Variants in SLC35F4 observed in about 807,000 individuals in gnomAD.
SLC35F4 encodes the protein solute carrier family 35 member F4.
In SLC35F4, 24 loss-of-function variants were observed where a neutral mutation model predicts 44.2. The ratio of observed to expected loss-of-function variants is 0.54; its 90% CI spans 0.39 to 0.76. SLC35F4 has a LOEUF of 0.76. Among genes scored for constraint, SLC35F4 ranks in the 30% least tolerant of loss-of-function variants. SLC35F4 has a pLI of 0.00. For synonymous variants in SLC35F4, 238 were observed against 223.6 expected (o/e 1.06, Z -0.57); for missense variants, 562 against 586.1 (o/e 0.96, Z 0.42).
chr14:57,709,290 C>T (rs914914243), intron 1 of SLC35F4, among the ~76,000 whole-genome samples: 1 of 152,142 alleles, frequency 6.6e-6, no homozygotes, highest in Admixed American at 6.5e-5. Context: ...GGCATTACCG[C>T]TAGACCAAGG....
chr14:57,793,525 A>G (rs2077979916), intron 1 of SLC35F4, among the ~76,000 whole-genome samples: 1 of 152,094 alleles, frequency 6.6e-6, no homozygotes. Flanking sequence ...GTTACTCAGG[A>G]TAATGGCCTC....
intron 1 of SLC35F4, among the ~76,000 whole-genome samples, chr14:57,646,275 C>G (rs1221919098): frequency 6.6e-6 from 1 of 152,112 alleles, no homozygotes; most frequent in Non-Finnish European, 1.5e-5. Flanking sequence ...GGTTGGTAAG[C>G]TATTAATTAT....
downstream of SLC35F4, among the ~76,000 whole-genome samples, chr14:57,974,750 A>G (rs943310171): frequency 3.3e-5 from 5 of 152,322 alleles, no homozygotes; most frequent in African/African-American, 1.2e-4. Context: ...AAATCTGTAA[A>G]AGGAGGATAG....
upstream of SLC35F4, chr14:57,982,291 A>G (rs1881404472): frequency 6.6e-6 from 1 of 152,206 alleles, no homozygotes; most frequent in South Asian, 2.1e-4. Flanking sequence ...ACCCCACCAC[A>G]GCCAACAGCA....
rs747415815 is a variant in SLC35F4, at chr14:57,829,930, T to C, written c.103+35793A>G. 2.4e-4 allele frequency among the ~76,000 whole-genome samples: 36 copies of C among 152,190 alleles called. No individual in the cohort carries two copies. In the Middle Eastern group the frequency reaches 0.02, roughly 86 times the overall value. Reference sequence around the variant, plus strand: ...GTTTTTTAACAGGAGAGTGACTTTATGGAAAAAACACAGCAGGAAGAATAA... The same window carrying C: ...GTTTTTTAACAGGAGAGTGACTTTACGGAAAAAACACAGCAGGAAGAATAA... On this transcript the variant is annotated intron_variant, in intron 1 of 7. Coordinates refer to ENST00000556826, the MANE Select transcript of SLC35F4 (RefSeq NM_001306087.2).
At chr14:57,962,629 A>G (rs1320005008) in intron 1 of SLC35F4, among the ~76,000 whole-genome samples, 1 of 152,252 alleles carries the variant, frequency 6.6e-6, no homozygotes, top group Non-Finnish European at 1.5e-5. Flanking sequence ...TGAAAGGTCC[A>G]TTAAATAAGG....
At chr14:57,612,606 A>G (rs930777197) in intron 1 of SLC35F4, among the ~76,000 whole-genome samples, 1 of 152,078 alleles carries the variant, frequency 6.6e-6, no homozygotes, top group African/African-American at 2.4e-5. Context: ...TGTCTTAGCT[A>G]TTTCTGTATC....
At chr14:57,735,952 G>A (rs1436205757) in intron 1 of SLC35F4, among the ~76,000 whole-genome samples, 1 of 151,928 alleles carries the variant, frequency 6.6e-6, no homozygotes, top group East Asian at 1.9e-4. Context: ...TGGCCTCAAG[G>A]GATACTACTA....
chr14:57,870,585 G>A (rs968013041), upstream of SLC35F4, among the ~76,000 whole-genome samples: 4 of 152,114 alleles, frequency 2.6e-5, no homozygotes, highest in Non-Finnish European at 5.9e-5. Context: ...GACATAGAAC[G>A]CTTTGAGCTT....
chr14:57,833,040 C>T (rs1884541941), intron 1 of SLC35F4, among the ~76,000 whole-genome samples: 1 of 152,288 alleles, frequency 6.6e-6, no homozygotes, highest in Middle Eastern at 3.4e-3. Flanking sequence ...CCTGAAATAA[C>T]ATTAATTAGG....
chr14:57,768,175 G>A (rs2077278159), intron 1 of SLC35F4, among the ~76,000 whole-genome samples: 1 of 152,062 alleles, frequency 6.6e-6, no homozygotes. Context: ...CACGAGATAA[G>A]ACAATATACA....
At chr14:57,691,593 T>C (rs1371888152) in intron 1 of SLC35F4, among the ~76,000 whole-genome samples, 1 of 152,242 alleles carries the variant, frequency 6.6e-6, no homozygotes, top group East Asian at 1.9e-4. Flanking sequence ...ACCTTTTATG[T>C]TTAATTATCT....
At chr14:57,858,161 C>T (rs1041256209) in intron 1 of SLC35F4, among the ~76,000 whole-genome samples, 3 of 151,916 alleles carry the variant, frequency 2.0e-5, no homozygotes, top group Non-Finnish European at 2.9e-5. Context: ...ACCATTTGAC[C>T]CAGCCATCCC....
intron 1 of SLC35F4, among the ~76,000 whole-genome samples, chr14:57,676,030 C>G (rs1233137518): frequency 2.0e-5 from 3 of 151,942 alleles, no homozygotes; most frequent in African/African-American, 4.8e-5. Flanking sequence ...AAATAGACAA[C>G]CCACAGAGTG....
intron 1 of SLC35F4, among the ~76,000 whole-genome samples, chr14:57,642,314 T>C (rs1261629522): frequency 4.6e-5 from 7 of 151,960 alleles, no homozygotes; most frequent in African/African-American, 1.7e-4. Context: ...AAAAAATCAC[T>C]CCTCTTTCAG....
intron 5 of SLC35F4, among the ~76,000 whole-genome samples, chr14:57,570,840 A>G (rs1038916196): frequency 6.6e-6 from 1 of 152,146 alleles, no homozygotes; most frequent in African/African-American, 2.4e-5. Context: ...TTTCAACTGA[A>G]CTAATTTTTT....
chr14:57,629,604 C>T (rs746563814), intron 1 of SLC35F4, among the ~76,000 whole-genome samples: 12 of 152,026 alleles, frequency 7.9e-5, no homozygotes, highest in Admixed American at 5.2e-4. Context: ...ATAGAAACTT[C>T]AAGATTAAAA....
chr14:57,667,137 T>C (rs923919853), intron 1 of SLC35F4, among the ~76,000 whole-genome samples: 1 of 147,418 alleles, frequency 6.8e-6, no homozygotes, highest in Non-Finnish European at 1.5e-5. Flanking sequence ...ACCACTACTA[T>C]ACCCACTCAC....
rs150019767 is a variant in SLC35F4 at position 57,741,915 on chromosome 14, T to C, written c.103+123808A>G. ...CAAGCCAGAAGAGAGTGGGGGCCAA[T>C]ATTCAACATTCTCAAAGAAAGGAAT... On this transcript the variant is annotated intron_variant, in intron 1 of 7. Coordinates refer to ENST00000556826, the MANE Select transcript of SLC35F4 (RefSeq NM_001306087.2). Among the ~76,000 whole-genome samples, 751 of 152,262 alleles carry C rather than the reference T, an allele frequency of 4.9e-3. 2 individuals are homozygous for C. The highest frequency in any genetic ancestry group is 8.6e-3 in the Non-Finnish European group (583 of 68,020).
Sources: allele counts gnomAD v4.1 joint callset (sites outside exome capture counted in the v4.1 genomes callset), GRCh38; gene constraint gnomAD v4.1.1; transcripts MANE v1.5; gene names NCBI Gene and HGNC (gene_info 2026-07-23, HGNC 2026-07-21).